LRP5: variants seen among roughly 807,000 people sequenced by gnomAD.
The protein encoded by LRP5 is LDL receptor related protein 5, also known as low-density lipoprotein receptor-related protein 5.
A neutral mutation model predicts 154.1 loss-of-function variants in LRP5; 62 were observed. That is an observed-to-expected ratio of 0.40 (90% confidence interval 0.33 to 0.50). The LOEUF (loss-of-function observed/expected upper bound fraction) is 0.50, where lower values mean the gene tolerates loss of function less well. Ranked by LOEUF, LRP5 falls within the 20% of genes least tolerant of loss-of-function variation. The probability of loss-of-function intolerance (pLI) is 0.55; values close to 1 mark genes in which losing one functional copy is unlikely to be tolerated. For synonymous variants in LRP5, 966 were observed against 1,011.5 expected, an observed-to-expected ratio of 0.96 and a Z score of 0.85; for missense variants, 1,915 against 2,336.7, an observed-to-expected ratio of 0.82 and a Z score of 3.72.
rs2098620610 is a variant in LRP5 at position 68,353,648 on chromosome 11, G to A, written c.489-4002G>A. On this transcript the variant is annotated intron_variant, in intron 2 of 22. Coordinates refer to ENST00000294304, the MANE Select transcript of LRP5 (RefSeq NM_002335.4). This position sits in a 1 kb window ranked among gnomAD's most constrained non-coding sequence, Gnocchi z 4.5. ...GCACACGGTTGCGAGGAGCATCTTGGCCTTCCTCCCGGCCCTGCTAGAGCC... is the reference window on the plus strand; with the variant it reads ...GCACACGGTTGCGAGGAGCATCTTGACCTTCCTCCCGGCCCTGCTAGAGCC... 6.6e-6 allele frequency among the ~76,000 whole-genome samples: 1 copy of A among 152,164 alleles called. No homozygotes were observed. The highest frequency in any genetic ancestry group is 1.5e-5 in the Non-Finnish European group (1 of 68,004).
At chr11:68,300,356 C>G in the LRP5 span, among the ~76,000 whole-genome samples, 1 of 149,330 alleles carries the variant, frequency 6.7e-6, no homozygotes, top group South Asian at 2.1e-4. Context: ...GCCACTTCCT[C>G]GCTGCATGAC....
chr11:68,377,698 G>A (rs11823032), intron 5 of LRP5, among the ~76,000 whole-genome samples: 40,653 of 152,126 alleles, frequency 0.27, 5,730 homozygotes, highest in Admixed American at 0.37. Flanking sequence ...GGCCTGCACC[G>A]TGACCCCGTT....
chr11:68,386,779 C>T lies in LRP5; in HGVS notation c.1412+67C>T. On this transcript the variant is annotated intron_variant, in intron 6 of 22. Coordinates refer to ENST00000294304, the MANE Select transcript of LRP5 (RefSeq NM_002335.4). This position sits in a 1 kb window ranked among gnomAD's most constrained non-coding sequence, Gnocchi z 7.9. ...CAAGCACAGGCGAGAGGGAGATTGACCTGGACCTGTCATTCTGGGACACTG... is the reference window on the plus strand; with the variant it reads ...CAAGCACAGGCGAGAGGGAGATTGATCTGGACCTGTCATTCTGGGACACTG... 3 of 1,524,454 alleles carry T rather than the reference C, an allele frequency of 2.0e-6. No homozygotes were observed. The allele number at this position is 1,524,454 out of a possible 1,614,324, so 94.4% of individuals were successfully genotyped here.
chr11:68,418,078 C>T (rs1296111955), intron 13 of LRP5, among the ~76,000 whole-genome samples: 14 of 152,176 alleles, frequency 9.2e-5, no homozygotes, highest in Admixed American at 9.2e-4. Context: ...ACAACAGGTT[C>T]ATTAGTGTAG....
chr11:68,318,066 T>G (rs1042677263), intron 1 of LRP5, among the ~76,000 whole-genome samples: 15 of 151,994 alleles, frequency 9.9e-5, no homozygotes, highest in African/African-American at 3.4e-4. Context: ...TTAATTTTTT[T>G]TTTTTTGAGA....
intron 7 of LRP5, among the ~76,000 whole-genome samples, chr11:68,402,967 C>T (rs1270278874): frequency 3.3e-5 from 5 of 152,192 alleles, no homozygotes; most frequent in Admixed American, 1.3e-4. Flanking sequence ...ACATCATGGC[C>T]GGGCGCGGTG....
intron 10 of LRP5, 101 bp from the exon 11 acceptor site, chr11:68,411,335 G>T: frequency 7.6e-7 from 1 of 1,307,474 alleles, no homozygotes. Context: ...GACGGGGAGG[G>T]CTGAGCTGAA....
chr11:68,336,718 C>T (rs1236000923), intron 1 of LRP5, among the ~76,000 whole-genome samples: 1 of 152,220 alleles, frequency 6.6e-6, no homozygotes, highest in African/African-American at 2.4e-5. Context: ...ATCTGCCTGC[C>T]TTGGCCTCCC....
chr11:68,406,417 C>G, intron 8 of LRP5, 107 bp from the exon 9 acceptor site: 3 of 1,250,346 alleles, frequency 2.4e-6, no homozygotes, highest in Non-Finnish European at 3.5e-6. Context: ...GAGCTCGGCA[C>G]CCCTGAGCTG....
In LRP5 at chr11:68,438,588, C is replaced by T; in HGVS notation, c.4254C>T (p.Ala1418=). The change falls in exon 20 of 23, where the codon GCC becomes GCT. Residue 1418 remains alanine, a synonymous_variant. Transcript: ENST00000294304. ...QRVVCQRYAG[A]NGPFPHEYVS... ...TGGTGTGCCAGCGCTATGCGGGGGC[C>T]AACGGGCCCTTCCCGCACGAGTATG... 6.2e-7 allele frequency: 1 copy of T among 1,614,062 alleles called. No homozygotes were observed. The highest frequency in any genetic ancestry group is 2.2e-5 in the East Asian group (1 of 44,884).
chr11:68,364,672 T>G (rs1385735492), intron 4 of LRP5, among the ~76,000 whole-genome samples: 1 of 152,098 alleles, frequency 6.6e-6, no homozygotes, highest in Non-Finnish European at 1.5e-5. Flanking sequence ...AGTGGCCCAC[T>G]CCCACAGGGA....
Position 68,433,596 on chromosome 11 carries a change from C to T in LRP5, c.3764-6C>T. Reference sequence around the variant, plus strand: ...CGTGTGATGTTCTCCTCTGTCCCTCCCCCAGAGCCGCCCACCTGCTCCCCG... The same window carrying T: ...CGTGTGATGTTCTCCTCTGTCCCTCTCCCAGAGCCGCCCACCTGCTCCCCG... On this transcript the variant is annotated splice_region_variant and splice_polypyrimidine_tract_variant and intron_variant, in intron 17 of 22. Transcript: ENST00000294304. 1 of 1,611,608 alleles carries T rather than the reference C, an allele frequency of 6.2e-7. No individual in the cohort carries two copies. Among genetic ancestry groups the T allele is most frequent in the Non-Finnish European group, 8.5e-7 (1 of 1,178,478 alleles).
At chr11:68,366,391 C>T (rs528139468) in intron 5 of LRP5, among the ~76,000 whole-genome samples, 1 of 151,816 alleles carries the variant, frequency 6.6e-6, no homozygotes, top group African/African-American at 2.4e-5. Flanking sequence ...TGTGGGGCCC[C>T]CTAGAAGGAC....
intron 22 of LRP5, among the ~76,000 whole-genome samples, chr11:68,448,261 C>T (rs780931506): frequency 1.8e-4 from 28 of 152,158 alleles, no homozygotes; most frequent in Non-Finnish European, 3.7e-4. Context: ...TCCCACAGCA[C>T]GTGGGAATTA....
intron 5 of LRP5, among the ~76,000 whole-genome samples, chr11:68,372,728 C>T (rs1401840220): frequency 6.6e-6 from 1 of 152,034 alleles, no homozygotes. Flanking sequence ...AGTCTTCCTT[C>T]GGCGGTTGTA....
At position 68,410,160 on chromosome 11, in the gene LRP5, G is replaced by A. The variant is rs766601191; in HGVS notation, c.2318+20G>A. On this transcript the variant is annotated intron_variant, in intron 10 of 22. Transcript: ENST00000294304. ...CAAGGGGTAAGTGTTTGCCTGTCCC[G>A]TGCGTCCTTGTGTTCACCTCGTATG... The A allele has an allele frequency of 7.6e-5, 122 of 1,596,686 alleles. No individual in the cohort carries two copies. Among genetic ancestry groups the A allele is most frequent in the Non-Finnish European group, 9.3e-5 (108 of 1,166,754 alleles).
rs766730295 is a variant in LRP5, at chr11:68,447,651, C to T, written c.4586+1118C>T. Among the ~76,000 whole-genome samples the T allele has an allele frequency of 6.6e-6, 1 of 152,192 alleles. No homozygotes were observed. The highest frequency in any genetic ancestry group is 2.1e-4 in the South Asian group (1 of 4,830). Reference sequence around the variant, plus strand: ...TCCTGCTCTGGGCCCACCGCGGACACATCTTCCCCCCGCCCGCCGTCTGAC... The same window carrying T: ...TCCTGCTCTGGGCCCACCGCGGACATATCTTCCCCCCGCCCGCCGTCTGAC... On this transcript the variant is annotated intron_variant, in intron 22 of 22. Transcript: ENST00000294304. This position sits in a 1 kb window ranked among gnomAD's most constrained non-coding sequence, Gnocchi z 4.3.
chr11:68,336,736 T>C (rs1169756920), intron 1 of LRP5, among the ~76,000 whole-genome samples: 2 of 152,246 alleles, frequency 1.3e-5, no homozygotes, highest in African/African-American at 4.8e-5. Flanking sequence ...CCCAAAGTGC[T>C]GAGATTACAG....
chr11:68,315,069 A>G (rs1275555005), intron 1 of LRP5, among the ~76,000 whole-genome samples: 1 of 152,056 alleles, frequency 6.6e-6, no homozygotes, highest in East Asian at 1.9e-4. Context: ...TCTCCCTTGC[A>G]GCGACGGGTT....
Sources: gnomAD v4.1 joint callset for allele counts (sites outside exome capture counted in the v4.1 genomes callset) on GRCh38, gnomAD v4.1.1 for gene constraint, Gnocchi (gnomAD v3.1) non-coding constraint, MANE v1.5 for transcripts, NCBI Gene and HGNC (gene_info 2026-07-23, HGNC 2026-07-21) for gene names.